IQCM: variants seen among roughly 807,000 people sequenced by gnomAD.
The protein encoded by IQCM is IQ domain-containing protein M.
Under a neutral mutation model 57.6 loss-of-function variants are expected in IQCM, and 45 were observed. That is an observed-to-expected ratio of 0.78 (90% CI 0.62 to 1.00). The LOEUF is 1.00. Among genes scored for constraint, IQCM ranks in the 50% least tolerant of loss-of-function variants. The pLI, the probability that IQCM is intolerant of heterozygous loss-of-function variation, is 0.00. For missense variants in IQCM, 468 were observed against 511.6 expected (o/e 0.91, Z 0.82); for synonymous variants, 148 against 158.9 (o/e 0.93, Z 0.51).
chr4:149,409,263 T>C (rs1242182323), intron 13 of IQCM, among the ~76,000 whole-genome samples: 1 of 152,164 alleles, frequency 6.6e-6, no homozygotes, highest in African/African-American at 2.4e-5. Flanking sequence ...CAAGGAAGCA[T>C]GTGTGAATTG....
chr4:149,730,426 TAAA>T (rs778026400), intron 5 of IQCM, among the ~76,000 whole-genome samples: 35 of 152,330 alleles, frequency 2.3e-4, no homozygotes, highest in Non-Finnish European at 4.0e-4. Context: ...AACTTCTCTT[TAAA>T]ACATTTAAAT....
chr4:149,599,860 G>A (rs946860820), intron 8 of IQCM, among the ~76,000 whole-genome samples: 8 of 151,940 alleles, frequency 5.3e-5, no homozygotes, highest in African/African-American at 1.7e-4. Flanking sequence ...ATTTTTTATT[G>A]GCTGGAATTA....
chr4:149,758,863 T>A (rs1033725818), intron 2 of IQCM, among the ~76,000 whole-genome samples: 2 of 152,168 alleles, frequency 1.3e-5, no homozygotes, highest in Admixed American at 6.5e-5. Flanking sequence ...GAATGCGAAA[T>A]GATACAGCCA....
chr4:149,730,866 T>A (rs1157553387), intron 5 of IQCM, among the ~76,000 whole-genome samples: 1 of 152,198 alleles, frequency 6.6e-6, no homozygotes, highest in Non-Finnish European at 1.5e-5. Flanking sequence ...CAGCATATCT[T>A]TTGTCTCTCA....
chr4:149,620,182 A>T (rs934615128), intron 8 of IQCM, among the ~76,000 whole-genome samples: 16 of 152,054 alleles, frequency 1.1e-4, no homozygotes, highest in Non-Finnish European at 2.4e-4. Flanking sequence ...AGAAAAGAAG[A>T]AGAAGAAAGA....
intron 7 of IQCM, 140 bp from the exon 8 acceptor site, chr4:149,621,384 C>T: frequency 2.5e-6 from 1 of 404,132 alleles, no homozygotes; most frequent in Non-Finnish European, 4.3e-6. Context: ...ATCTTGTCAT[C>T]TAATCGTAGA....
chr4:149,381,515 G>A (rs1731074224), intron 13 of IQCM, among the ~76,000 whole-genome samples: 1 of 151,966 alleles, frequency 6.6e-6, no homozygotes, highest in African/African-American at 2.4e-5. Flanking sequence ...AAACACTCCA[G>A]ACACTCTCTT....
intron 12 of IQCM, among the ~76,000 whole-genome samples, chr4:149,477,300 G>A (rs1740303728): frequency 6.6e-6 from 1 of 152,064 alleles, no homozygotes; most frequent in Non-Finnish European, 1.5e-5. Context: ...ACCCAAATGA[G>A]GACTGACGCT....
At chr4:149,461,711 C>T (rs1738312660) in intron 12 of IQCM, among the ~76,000 whole-genome samples, 1 of 151,016 alleles carries the variant, frequency 6.6e-6, no homozygotes, top group Non-Finnish European at 1.5e-5. Context: ...AAAAAATCAC[C>T]TTTGATTGTC....
chr4:149,585,574 T>A (rs560608825), intron 9 of IQCM, among the ~76,000 whole-genome samples: 2 of 151,844 alleles, frequency 1.3e-5, no homozygotes, highest in East Asian at 3.9e-4. Flanking sequence ...AATTTCACTC[T>A]TTCATATTTC....
intron 12 of IQCM, among the ~76,000 whole-genome samples, chr4:149,466,514 A>T (rs1300091196): frequency 6.6e-6 from 1 of 152,176 alleles, no homozygotes; most frequent in African/African-American, 2.4e-5. Flanking sequence ...ATTAGCATGG[A>T]CTACTTATGA....
intron 7 of IQCM, among the ~76,000 whole-genome samples, chr4:149,644,208 AG>A (rs1242364781): frequency 6.6e-6 from 1 of 152,188 alleles, no homozygotes; most frequent in Non-Finnish European, 1.5e-5. Context: ...CACAGAGAAA[AG>A]CATTTAAATA....
chr4:149,676,377 A>G (rs915079373), intron 7 of IQCM, among the ~76,000 whole-genome samples: 2 of 152,128 alleles, frequency 1.3e-5, no homozygotes. Context: ...GACCAAAGCT[A>G]AGTAATCAAA....
intron 12 of IQCM, among the ~76,000 whole-genome samples, chr4:149,453,016 A>C (rs975192626): frequency 2.0e-5 from 3 of 151,662 alleles, no homozygotes; most frequent in Non-Finnish European, 1.5e-5. Context: ...TAAAAGTAGA[A>C]ATTTTTAAAA....
intron 8 of IQCM, among the ~76,000 whole-genome samples, chr4:149,597,109 C>A (rs891319084): frequency 2.0e-5 from 3 of 151,832 alleles, no homozygotes; most frequent in Non-Finnish European, 4.4e-5. Context: ...TCAAAATTGA[C>A]TGAGCAGACT....
chr4:149,655,855 C>T (rs1177982718), intron 7 of IQCM, among the ~76,000 whole-genome samples: 1 of 151,954 alleles, frequency 6.6e-6, no homozygotes, highest in Non-Finnish European at 1.5e-5. Flanking sequence ...CTTTATAAGC[C>T]CCTCCTACAC....
At chr4:149,675,075 G>A (rs1761635148) in intron 7 of IQCM, among the ~76,000 whole-genome samples, 1 of 151,938 alleles carries the variant, frequency 6.6e-6, no homozygotes, top group African/African-American at 2.4e-5. Flanking sequence ...GTATTATGAT[G>A]GAGGGCAAAA....
At chr4:149,483,621 G>A (rs1741149142) in intron 12 of IQCM, among the ~76,000 whole-genome samples, 1 of 151,840 alleles carries the variant, frequency 6.6e-6, no homozygotes, top group Admixed American at 6.6e-5. Context: ...ATTCTATTGT[G>A]GGAAGAGAAG....
intron 2 of IQCM, among the ~76,000 whole-genome samples, chr4:149,749,817 CTCAAAAGAA>C (rs1434207012): frequency 6.6e-6 from 1 of 152,108 alleles, no homozygotes; most frequent in African/African-American, 2.4e-5. Context: ...CTTACACTCA[CTCAAAAGAA>C]ATATGAAGCA....
Sources: allele counts gnomAD v4.1 joint callset (sites outside exome capture counted in the v4.1 genomes callset), GRCh38; gene constraint gnomAD v4.1.1; transcripts MANE v1.5; gene names NCBI Gene and HGNC (gene_info 2026-07-23, HGNC 2026-07-21).